The following TRPM3 variants were observed in gnomAD, a reference collection of about 807,000 sequenced individuals.
TRPM3 encodes the protein transient receptor potential cation channel subfamily M member 3.
A neutral mutation model predicts 181.2 loss-of-function variants in TRPM3; 77 were observed. The observed-to-expected ratio is 0.42, with a 90% CI of 0.35 to 0.51. The LOEUF (loss-of-function observed/expected upper bound fraction) is 0.51. Ranked by LOEUF, TRPM3 falls within the 20% of genes least tolerant of loss-of-function variation. The pLI, the probability that TRPM3 is intolerant of heterozygous loss-of-function variation, is 0.01. For synonymous variants in TRPM3, 745 were observed against 796.4 expected, an observed-to-expected ratio of 0.94 and a Z score of 1.09; for missense variants, 1,759 against 2,196.7, an observed-to-expected ratio of 0.80 and a Z score of 3.98.
chr9:71,263,148 A>T (rs1173369167), intron 1 of TRPM3, among the ~76,000 whole-genome samples: 1 of 152,176 alleles, frequency 6.6e-6, no homozygotes, highest in African/African-American at 2.4e-5. Context: ...CTTTTACTTA[A>T]AACTATTACA....
At chr9:70,973,606 A>G (rs904241495) in intron 1 of TRPM3, among the ~76,000 whole-genome samples, 17 of 152,188 alleles carry the variant, frequency 1.1e-4, no homozygotes, top group Admixed American at 1.3e-4. Flanking sequence ...ATCTCTTCCC[A>G]ACTCCATGTT....
chr9:70,802,118 G>A (rs2089282784), intron 6 of TRPM3, among the ~76,000 whole-genome samples: 3 of 152,158 alleles, frequency 2.0e-5, no homozygotes, highest in South Asian at 4.1e-4. Flanking sequence ...TTTGAGAACA[G>A]TGTCCTAGCG....
chr9:71,367,880 C>T (rs2132770318), intron 1 of TRPM3, among the ~76,000 whole-genome samples: 1 of 152,260 alleles, frequency 6.6e-6, no homozygotes, highest in East Asian at 1.9e-4. Context: ...GTTATTTTCT[C>T]CTACTTCAAA....
chr9:71,289,643 A>G (rs1279544661), intron 1 of TRPM3, among the ~76,000 whole-genome samples: 1 of 152,056 alleles, frequency 6.6e-6, no homozygotes, highest in African/African-American at 2.4e-5. Flanking sequence ...CAAGGTGGGC[A>G]TATCACTTGA....
chr9:71,280,833 C>A (rs1442939668), intron 1 of TRPM3, among the ~76,000 whole-genome samples: 1 of 152,148 alleles, frequency 6.6e-6, no homozygotes, highest in Non-Finnish European at 1.5e-5. Context: ...AGATCTTAAC[C>A]CAAATGGCAC....
At chr9:71,332,667 A>T (rs1222810868) in intron 1 of TRPM3, among the ~76,000 whole-genome samples, 1 of 151,648 alleles carries the variant, frequency 6.6e-6, no homozygotes. Flanking sequence ...TAGTTGCACA[A>T]TTTCATGAAG....
intron 22 of TRPM3, among the ~76,000 whole-genome samples, chr9:70,572,447 T>C (rs931582835): frequency 2.6e-5 from 4 of 152,220 alleles, no homozygotes; most frequent in Non-Finnish European, 4.4e-5. Context: ...ATTTCATTAG[T>C]TTTCCACTAA....
chr9:70,693,344 T>C (rs62543304), intron 8 of TRPM3, among the ~76,000 whole-genome samples: 7,988 of 152,218 alleles, frequency 0.052, 269 homozygotes, highest in South Asian at 0.12. Flanking sequence ...TTACCTTCCA[T>C]CTTGTCAGCC....
chr9:71,265,150 A>C (rs1265569531), intron 1 of TRPM3, among the ~76,000 whole-genome samples: 1 of 152,212 alleles, frequency 6.6e-6, no homozygotes, highest in Non-Finnish European at 1.5e-5. Flanking sequence ...TGCAAAGAAA[A>C]AACATAAAAG....
At chr9:70,920,780 T>G (rs1292497477) in intron 1 of TRPM3, among the ~76,000 whole-genome samples, 1 of 152,210 alleles carries the variant, frequency 6.6e-6, no homozygotes, top group African/African-American at 2.4e-5. Context: ...AAAAGCTTAC[T>G]ATATTATCCT....
At chr9:71,174,725 C>T (rs2077024844) in intron 1 of TRPM3, among the ~76,000 whole-genome samples, 1 of 151,956 alleles carries the variant, frequency 6.6e-6, no homozygotes, top group Non-Finnish European at 1.5e-5. Flanking sequence ...AAAAAGAAGC[C>T]ATCGGGTATC....
chr9:71,290,177 G>A (rs377561448), intron 1 of TRPM3, among the ~76,000 whole-genome samples: 1 of 152,084 alleles, frequency 6.6e-6, no homozygotes, highest in Non-Finnish European at 1.5e-5. Context: ...TGGGGCATAG[G>A]TGATACGTGA....
chr9:70,620,209 A>G lies in TRPM3; in HGVS notation c.1996T>C (p.Phe666Leu), dbSNP rs780013481. ...VLMKRQKMAL[F>L]FWQHGEEAMA... Reference sequence around the variant, plus strand: ...GCCTCCTCACCGTGCTGCCAGAAGAACAGGGCCATCTTCTGCCGCTTCATG... The same window carrying G: ...GCCTCCTCACCGTGCTGCCAGAAGAGCAGGGCCATCTTCTGCCGCTTCATG... Residue 666 changes from phenylalanine (F) to leucine (L), a missense_variant, in exon 16 of 26, where the codon TTC (phenylalanine) becomes CTC (leucine). Coordinates refer to ENST00000677713, the MANE Select transcript of TRPM3 (RefSeq NM_001366145.2). 5.0e-6 allele frequency: 8 copies of G among 1,614,228 alleles called. No homozygotes were observed. The highest frequency in any genetic ancestry group is 6.8e-6 in the Non-Finnish European group (8 of 1,180,034).
Position 70,533,522 on chromosome 9 carries a change from T to G in TRPM3, c.*2431A>C, listed in dbSNP as rs2041177455. ...TACGAGCAAACATGGTTCCTTTCCC[T>G]CATAATCAATATAGAACCAGGGGCT... On this transcript the variant is annotated 3_prime_UTR_variant, in exon 26 of 26. Transcript: ENST00000677713. The G allele has an allele frequency of 6.6e-6, 1 of 152,186 alleles. No homozygotes were observed. Among genetic ancestry groups the G allele is most frequent in the African/African-American group, 2.4e-5 (1 of 41,446 alleles). The allele number at this position is 152,186 out of a possible 1,614,324, so 9.4% of individuals were successfully genotyped here. A position where few individuals can be genotyped will look rare whatever the true frequency, so the allele number is the denominator to read the frequency against.
At chr9:71,437,189 A>G (rs1409360058) in intron 1 of TRPM3, among the ~76,000 whole-genome samples, 1 of 152,226 alleles carries the variant, frequency 6.6e-6, no homozygotes, top group Non-Finnish European at 1.5e-5. Context: ...AGAATGAGAA[A>G]ATAGTTGATG....
intron 1 of TRPM3, among the ~76,000 whole-genome samples, chr9:71,007,932 C>A (rs1035049355): frequency 3.3e-5 from 5 of 151,700 alleles, no homozygotes; most frequent in African/African-American, 1.2e-4. Context: ...AAGATCAGAG[C>A]AGAAATAAAC....
intron 1 of TRPM3, among the ~76,000 whole-genome samples, chr9:71,267,108 G>A (rs1367766358): frequency 6.6e-6 from 1 of 152,018 alleles, no homozygotes; most frequent in Non-Finnish European, 1.5e-5. Flanking sequence ...CCTACCTGGA[G>A]CACTGGATTT....
chr9:71,233,055 A>C (rs937988778), intron 1 of TRPM3, among the ~76,000 whole-genome samples: 3 of 152,158 alleles, frequency 2.0e-5, no homozygotes, highest in Non-Finnish European at 4.4e-5. Context: ...TTGACATCTG[A>C]AAGTGCCATA....
At chr9:70,607,194 T>C (rs1327079920) in intron 19 of TRPM3, among the ~76,000 whole-genome samples, 2 of 152,156 alleles carry the variant, frequency 1.3e-5, no homozygotes, top group East Asian at 1.9e-4. Context: ...TGAGGTTATA[T>C]GGAAATGAAG....
Sources: allele counts gnomAD v4.1 joint callset (sites outside exome capture counted in the v4.1 genomes callset), GRCh38; gene constraint gnomAD v4.1.1; transcripts MANE v1.5; gene names NCBI Gene and HGNC (gene_info 2026-07-23, HGNC 2026-07-21).